The following WDR45 variants were observed in gnomAD, a reference collection of about 807,000 sequenced individuals.
WDR45 encodes the protein WD repeat domain 45.
A neutral mutation model predicts 27.3 loss-of-function variants in WDR45; 2 were observed. That is an observed-to-expected ratio of 0.07 (90% CI 0.03 to 0.23). The LOEUF is 0.23. WDR45 is among the 10% of genes least tolerant of loss of function. The probability of loss-of-function intolerance (pLI) is 1.00; values close to 1 mark genes in which losing one functional copy is unlikely to be tolerated. For synonymous variants in WDR45, 99 were observed against 119.2 expected (o/e 0.83, Z 1.11); for missense variants, 175 against 311.9 (o/e 0.56, Z 3.31).
chrX:49,083,384 T>C (rs1051494763), upstream of WDR45, among the ~76,000 whole-genome samples: 5 of 104,706 alleles, frequency 4.8e-5, no homozygotes, highest in African/African-American at 7.0e-5. Flanking sequence ...TTCCAAATAT[T>C]AGAATATCCT....
intron 2 of WDR45, among the ~76,000 whole-genome samples, chrX:49,093,882 C>T (rs1372059281): frequency 3.7e-5 from 4 of 108,636 alleles, no homozygotes; most frequent in African/African-American, 1.3e-4. Flanking sequence ...CACTCTATCG[C>T]CCAAGCTGGA....
intron 2 of WDR45, among the ~76,000 whole-genome samples, chrX:49,098,517 A>C (rs1483583011): frequency 1.8e-5 from 2 of 108,791 alleles, no homozygotes; most frequent in African/African-American, 3.3e-5. Flanking sequence ...GAAAAAAAAA[A>C]GGTAATAAAG....
upstream of WDR45, among the ~76,000 whole-genome samples, chrX:49,081,403 G>C (rs1356236545): frequency 1.9e-5 from 2 of 107,208 alleles, no homozygotes; most frequent in African/African-American, 6.7e-5. Flanking sequence ...GGTGGTGCGT[G>C]CCTGTAGTCC....
chrX:49,092,300 A>T (rs1557086793), intron 2 of WDR45, among the ~76,000 whole-genome samples: 1 of 109,112 alleles, frequency 9.2e-6, no homozygotes, highest in African/African-American at 3.3e-5. Flanking sequence ...AAACTTGGAG[A>T]TGATGATATG....
chrX:49,095,065 G>A (rs1557087102), intron 2 of WDR45, among the ~76,000 whole-genome samples: 2 of 109,727 alleles, frequency 1.8e-5, no homozygotes, highest in African/African-American at 6.6e-5. Context: ...TGGGATTATA[G>A]GCATGAGCCA....
Position 49,075,338 on chromosome X carries a change from C to T in WDR45, c.827+26G>A, listed in dbSNP as rs183812688. On this transcript the variant is annotated intron_variant, in intron 9 of 10. Transcript: ENST00000376372. The stretch of plus-strand genomic sequence containing the variant: ...GTAAATGGGCAGGGGGACAGGGACA[C>T]GGTAGGGTGGGGAGGGGGTACTCAC... The T allele has an allele frequency of 3.6e-5, 44 of 1,205,549 alleles. No individual in the cohort carries two copies. The East Asian group carries it at 1.2e-3, about 33-fold the overall frequency.
At chrX:49,076,212 T>C (rs2065036341) in intron 6 of WDR45, 2 of 476,979 alleles carry the variant, frequency 4.2e-6, no homozygotes, top group South Asian at 6.6e-5. Context: ...CGAGGTGTTT[T>C]TGCTCTGCCA....
intron 2 of WDR45, among the ~76,000 whole-genome samples, chrX:49,085,475 A>G (rs190213863): frequency 3.6e-5 from 4 of 112,369 alleles, no homozygotes; most frequent in Admixed American, 1.9e-4. Flanking sequence ...AAGACCCTAA[A>G]AGATCCTTAG....
intron 2 of WDR45, among the ~76,000 whole-genome samples, chrX:49,089,418 A>G (rs2065096883): frequency 9.0e-6 from 1 of 110,623 alleles, no homozygotes; most frequent in Admixed American, 9.6e-5. Flanking sequence ...TTTTTGAGAC[A>G]GAGTCTCACT....
rs1194397859 is a variant in WDR45 at position 49,091,970 on chromosome X, A to C, written c.-18+8235T>G. 2.9e-5 allele frequency among the ~76,000 whole-genome samples: 3 copies of C among 105,052 alleles called. No homozygotes were observed. In the Admixed American group the frequency reaches 3.1e-4, roughly 11 times the overall value. 91.2% of individuals were successfully genotyped at this position (105,052 alleles called of 115,157 possible). A position where few individuals can be genotyped will look rare whatever the true frequency, so the allele number is the denominator to read the frequency against. Reference sequence around the variant, plus strand: ...ACGGTGAAACCCCGTCTCTACAAAAAATTAGCCAGGCGTGGTGGCACTTGC... The same window carrying C: ...ACGGTGAAACCCCGTCTCTACAAAACATTAGCCAGGCGTGGTGGCACTTGC... On this transcript the variant is annotated intron_variant, in intron 2 of 11. Transcript: ENST00000356463.
At chrX:49,078,585 AAAC>A (rs1557084636) in intron 1 of WDR45, among the ~76,000 whole-genome samples, 1 of 112,056 alleles carries the variant, frequency 8.9e-6, no homozygotes, top group East Asian at 2.8e-4. Flanking sequence ...CCAAGATCCC[AAAC>A]AACATGGCCA....
intron 2 of WDR45, among the ~76,000 whole-genome samples, chrX:49,086,798 G>A (rs1306604325): frequency 9.2e-6 from 1 of 109,240 alleles, no homozygotes; most frequent in Admixed American, 9.8e-5. Flanking sequence ...TCACTGTGTC[G>A]GCCAGGCTGG....
At chrX:49,079,315 C>G (rs1233360696) in intron 1 of WDR45, among the ~76,000 whole-genome samples, 1 of 104,112 alleles carries the variant, frequency 9.6e-6, no homozygotes, top group Non-Finnish European at 2.0e-5. Context: ...TTCTAAGACC[C>G]TTGCCCAAAA....
chrX:49,099,268 G>C (rs1334970214), intron 2 of WDR45, among the ~76,000 whole-genome samples: 1 of 105,623 alleles, frequency 9.5e-6, no homozygotes, highest in South Asian at 4.1e-4. Context: ...AGGTTGCAGT[G>C]AGCCGAGATC....
At position 49,085,550 on chromosome X, in the gene WDR45, C is replaced by T. The variant is rs1230748752; in HGVS notation, c.-17-7438G>A. 2.0e-4 allele frequency among the ~76,000 whole-genome samples: 23 copies of T among 112,737 alleles called. No homozygotes were observed. In the Admixed American group the frequency reaches 2.2e-3, roughly 11 times the overall value. On this transcript the variant is annotated intron_variant, in intron 2 of 11. Transcript: ENST00000356463. ...CCTAAAAAGGTAAAGTTGACAATGT[C>T]TGTTATCCAAACAAAGATTACCAGG...
intron 2 of WDR45, among the ~76,000 whole-genome samples, chrX:49,093,186 G>C (rs782058225): frequency 2.2e-4 from 25 of 111,789 alleles, no homozygotes; most frequent in Non-Finnish European, 4.1e-4. Context: ...TGGGATTACA[G>C]GTGTGAGCCA....
chrX:49,083,626 T>C (rs2065076872), upstream of WDR45, among the ~76,000 whole-genome samples: 1 of 110,188 alleles, frequency 9.1e-6, no homozygotes, highest in Non-Finnish European at 1.9e-5. Context: ...TCCCCCACTG[T>C]CTCCTTCATC....
At chrX:49,092,178 TTA>T (rs782401832) in intron 2 of WDR45, among the ~76,000 whole-genome samples, 1 of 107,035 alleles carries the variant, frequency 9.3e-6, no homozygotes, top group Admixed American at 1.0e-4. Flanking sequence ...GTACACTTTG[TTA>T]TATTTTGTAT....
intron 2 of WDR45, among the ~76,000 whole-genome samples, chrX:49,088,441 C>T (rs1244855289): frequency 3.6e-5 from 4 of 111,295 alleles, no homozygotes; most frequent in African/African-American, 1.3e-4. Context: ...CCAAGAAGGC[C>T]TTAAGCTCTT....
Sources: allele counts gnomAD v4.1 joint callset (sites outside exome capture counted in the v4.1 genomes callset), GRCh38; gene constraint gnomAD v4.1.1; transcripts MANE v1.5; gene names NCBI Gene and HGNC (gene_info 2026-07-23, HGNC 2026-07-21).